Variants in PPP2R5C observed in about 807,000 individuals in gnomAD.
The protein encoded by PPP2R5C is protein phosphatase 2 regulatory subunit B'gamma.
PPP2R5C carries 7 observed loss-of-function variants against 68.9 expected under a neutral mutation model. The ratio of observed to expected loss-of-function variants is 0.10; its 90% CI spans 0.06 to 0.19. PPP2R5C has a LOEUF of 0.19. PPP2R5C is among the 10% of genes least tolerant of loss of function. The pLI is 1.00. For missense variants in PPP2R5C, 348 were observed against 641.3 expected (o/e 0.54, Z 4.94); for synonymous variants, 210 against 222.2 (o/e 0.95, Z 0.49).
intron 10 of PPP2R5C, among the ~76,000 whole-genome samples, chr14:101,907,039 C>G (rs529765065): frequency 6.6e-6 from 1 of 152,192 alleles, no homozygotes; most frequent in African/African-American, 2.4e-5. Context: ...TCCTCCTACT[C>G]CGCTCCTTCA....
chr14:101,803,784 T>C (rs1595203734), intron 3 of PPP2R5C, among the ~76,000 whole-genome samples: 1 of 149,710 alleles, frequency 6.7e-6, no homozygotes. Flanking sequence ...AAGAAAACAA[T>C]GGGGAAAATC....
chr14:101,840,413 G>A (rs1231106748), intron 1 of PPP2R5C, among the ~76,000 whole-genome samples: 8 of 139,696 alleles, frequency 5.7e-5, no homozygotes, highest in African/African-American at 8.3e-5. Flanking sequence ...TTTTTCGTCC[G>A]CTTGCTGCTT....
chr14:101,836,332 C>T, intron 1 of PPP2R5C: 1 of 702,468 alleles, frequency 1.4e-6, no homozygotes, highest in South Asian at 1.5e-5. Context: ...GCCCTTCTTC[C>T]TCTACTCCCG....
chr14:101,868,161 A>G (rs1418370441), intron 2 of PPP2R5C, among the ~76,000 whole-genome samples: 1 of 152,348 alleles, frequency 6.6e-6, no homozygotes, highest in African/African-American at 2.4e-5. Context: ...TTGAATTAAG[A>G]GGGATAGTAC....
At chr14:101,842,723 G>A (rs780753152) in intron 1 of PPP2R5C, among the ~76,000 whole-genome samples, 4 of 151,886 alleles carry the variant, frequency 2.6e-5, no homozygotes, top group African/African-American at 9.7e-5. Flanking sequence ...GCCTTAGCTC[G>A]GGAGGGCATG....
rs1397628330 is a variant in PPP2R5C, at chr14:101,914,041, G to A, written c.1326+1568G>A. ...GCCCAGTTTCACTACTGCACATACT[G>A]TACGTAACCAATGTTTCTTCTGAAA... On this transcript the variant is annotated intron_variant, in intron 12 of 13. Transcript: ENST00000334743. The A allele has an allele frequency of 7.4e-6, 3 of 407,130 alleles. No homozygotes were observed. The East Asian group carries it at 2.1e-4, about 29-fold the overall frequency. 25.2% of individuals were successfully genotyped at this position (407,130 alleles called of 1,614,324 possible).
At position 101,766,603 on chromosome 14, in the gene PPP2R5C, T is replaced by G. The variant is rs567138109; in HGVS notation, c.93+3633T>G. The G allele has an allele frequency of 3.3e-5, 5 of 152,360 alleles. No homozygotes were observed. In the East Asian group the frequency reaches 9.6e-4, roughly 29 times the overall value. The allele number at this position is 152,360 out of a possible 1,614,324, so 9.4% of individuals were successfully genotyped here. A position where few individuals can be genotyped will look rare whatever the true frequency, so the allele number is the denominator to read the frequency against. On this transcript the variant is annotated intron_variant, in intron 2 of 14. Coordinates refer to the PPP2R5C transcript ENST00000328724. ...TTGAATGACATGTGTTGGTACATGTTTCTTCTCTTTCAGATAGAATGGTTA... is the reference window on the plus strand; with the variant it reads ...TTGAATGACATGTGTTGGTACATGTGTCTTCTCTTTCAGATAGAATGGTTA...
intron 3 of PPP2R5C, among the ~76,000 whole-genome samples, chr14:101,802,439 G>A (rs2038904486): frequency 6.6e-6 from 1 of 151,986 alleles, no homozygotes; most frequent in Admixed American, 6.6e-5. Context: ...AAAGAATGAA[G>A]TGGGACCCTT....
intron 2 of PPP2R5C, among the ~76,000 whole-genome samples, chr14:101,876,211 A>T (rs774553448): frequency 1.2e-4 from 19 of 152,166 alleles, no homozygotes; most frequent in Admixed American, 3.3e-4. Context: ...TAGCAATATG[A>T]CTCGTAGAAC....
chr14:101,810,099 T>C (rs919489045), intron 1 of PPP2R5C: 17 of 1,439,226 alleles, frequency 1.2e-5, no homozygotes, highest in Non-Finnish European at 1.6e-5. Flanking sequence ...ATGGCTATTG[T>C]GCTTCAGATA....
chr14:101,848,298 C>T (rs2041959234), intron 1 of PPP2R5C, among the ~76,000 whole-genome samples: 1 of 151,902 alleles, frequency 6.6e-6, no homozygotes, highest in African/African-American at 2.4e-5. Flanking sequence ...TTTGGGAGGC[C>T]AAGGCAGGCG....
Position 101,797,503 on chromosome 14 carries a change from T to G in PPP2R5C, c.259+11320T>G. ...TGCCCTCTTTCTCCACCCTCTCCAT[T>G]TTCACCGAGATGGTTGTGGTGTCAC... is the stretch of plus-strand genomic sequence containing the variant. On this transcript the variant is annotated intron_variant, in intron 3 of 14. Coordinates refer to the PPP2R5C transcript ENST00000328724. This position sits in a 1 kb window ranked among gnomAD's most constrained non-coding sequence, Gnocchi z 4.2. 3.1e-6 allele frequency: 1 copy of G among 324,982 alleles called. No individual in the cohort carries two copies. Among genetic ancestry groups the G allele is most frequent in the South Asian group, 2.3e-5 (1 of 42,836 alleles). 20.1% of individuals were successfully genotyped at this position (324,982 alleles called of 1,614,324 possible).
Position 101,917,937 on chromosome 14 carries a change from A to T in PPP2R5C, c.1433A>T (p.Glu478Val). 6.2e-7 allele frequency: 1 copy of T among 1,613,906 alleles called. No homozygotes were observed. The highest frequency in any genetic ancestry group is 8.5e-7 in the Non-Finnish European group (1 of 1,179,856). Reference sequence around the variant, plus strand: ...ATGCTGAGAAAGACAGTGAAGGACGAGGCTCATCAGGTAAAAGTGCACCGA... The same window carrying T: ...ATGCTGAGAAAGACAGTGAAGGACGTGGCTCATCAGGTAAAAGTGCACCGA... The change falls in exon 13 of 14, where the codon GAG becomes GTG. Residue 478 changes from glutamate to valine, a missense_variant. Transcript: ENST00000334743. This position sits in a 1 kb window ranked among gnomAD's most constrained non-coding sequence, Gnocchi z 4.4.
chr14:101,799,006 CA>C (rs1371262458), intron 3 of PPP2R5C, among the ~76,000 whole-genome samples: 1 of 152,174 alleles, frequency 6.6e-6, no homozygotes, highest in Non-Finnish European at 1.5e-5. Context: ...TAAAGGGTAG[CA>C]AGGTGGTTTT....
chr14:101,823,310 G>A (rs143791946), intron 1 of PPP2R5C, among the ~76,000 whole-genome samples: 9 of 152,292 alleles, frequency 5.9e-5, no homozygotes, highest in African/African-American at 2.2e-4. Context: ...GCAGTTCAGA[G>A]CAGTGAAATT....
intron 1 of PPP2R5C, among the ~76,000 whole-genome samples, chr14:101,826,042 G>A (rs776802926): frequency 5.3e-5 from 8 of 152,320 alleles, no homozygotes; most frequent in Non-Finnish European, 1.0e-4. Flanking sequence ...TATGTACTCC[G>A]AGAACCAAGC....
exon 1 of PPP2R5C, chr14:101,809,915 G>T: frequency 6.2e-7 from 1 of 1,610,428 alleles, no homozygotes. Context: ...GCCTTAAGGA[G>T]CCCATTGCCT....
At chr14:101,851,422 C>A (rs2042146269) in intron 1 of PPP2R5C, among the ~76,000 whole-genome samples, 1 of 152,046 alleles carries the variant, frequency 6.6e-6, no homozygotes, top group Admixed American at 6.5e-5. Flanking sequence ...CATAGTGAGA[C>A]CCTGTCTCTA....
At chr14:101,870,992 C>G (rs1566925675) in intron 2 of PPP2R5C, among the ~76,000 whole-genome samples, 1 of 152,154 alleles carries the variant, frequency 6.6e-6, no homozygotes, top group Non-Finnish European at 1.5e-5. Context: ...TATATCCCCT[C>G]TTGGTGAATT....
Sources: gnomAD v4.1 joint callset for allele counts (sites outside exome capture counted in the v4.1 genomes callset) on GRCh38, gnomAD v4.1.1 for gene constraint, Gnocchi (gnomAD v3.1) non-coding constraint, MANE v1.5 for transcripts, NCBI Gene and HGNC (gene_info 2026-07-23, HGNC 2026-07-21) for gene names.